Variants in HPSE2 observed in about 807,000 individuals in gnomAD.
HPSE2 encodes inactive heparanase-2.
HPSE2 carries 38 observed loss-of-function variants against 60.5 expected under a neutral mutation model. The ratio of observed to expected loss-of-function variants is 0.63; its 90% CI spans 0.48 to 0.82. HPSE2 has a LOEUF of 0.82. Among genes scored for constraint, HPSE2 ranks in the 40% least tolerant of loss-of-function variants. HPSE2 has a pLI of 0.00. For synonymous variants in HPSE2, 295 were observed against 293.2 expected, an observed-to-expected ratio of 1.01 and a Z score of -0.06; for missense variants, 713 against 740.4, an observed-to-expected ratio of 0.96 and a Z score of 0.43.
intron 3 of HPSE2, among the ~76,000 whole-genome samples, chr10:98,968,441 G>A (rs938848969): frequency 2.0e-5 from 3 of 152,122 alleles, no homozygotes; most frequent in Non-Finnish European, 4.4e-5. Context: ...AAACAGTATG[G>A]AGCTTCCTTA....
At chr10:99,307,616 T>C in the HPSE2 span, among the ~76,000 whole-genome samples, 1 of 152,116 alleles carries the variant, frequency 6.6e-6, no homozygotes, top group Non-Finnish European at 1.5e-5. Context: ...TTCTGATCCT[T>C]ATGGTTATAG....
chr10:98,492,408 A>G (rs1941681323), intron 9 of HPSE2, among the ~76,000 whole-genome samples: 1 of 151,210 alleles, frequency 6.6e-6, no homozygotes, highest in African/African-American at 2.4e-5. Context: ...AGGCTGAGGC[A>G]GGAGAATGGC....
At chr10:98,883,707 G>A (rs370161748) in intron 3 of HPSE2, among the ~76,000 whole-genome samples, 14 of 152,208 alleles carry the variant, frequency 9.2e-5, no homozygotes, top group African/African-American at 3.4e-4. Context: ...GGGAGGCTGA[G>A]GCTGGAGGAT....
chr10:99,271,378 C>A, the HPSE2 span, among the ~76,000 whole-genome samples: 1 of 152,168 alleles, frequency 6.6e-6, no homozygotes, highest in African/African-American at 2.4e-5. Flanking sequence ...AACTCAACCC[C>A]TTTTACAATA....
At chr10:98,488,620 T>C (rs36008175) in intron 10 of HPSE2, among the ~76,000 whole-genome samples, 327 of 152,324 alleles carry the variant, frequency 2.1e-3, no homozygotes, top group Middle Eastern at 6.8e-3. Flanking sequence ...CAGACTGATA[T>C]GCTTTCCAAC....
intron 3 of HPSE2, among the ~76,000 whole-genome samples, chr10:98,867,297 A>G (rs1952612780): frequency 6.6e-6 from 1 of 151,890 alleles, no homozygotes; most frequent in African/African-American, 2.4e-5. Context: ...TCTATAGGAA[A>G]AAAAAAAAAA....
rs573491293 is a variant in HPSE2, at chr10:98,480,487, T to A, written c.1613+2149A>T. On this transcript the variant is annotated intron_variant, in intron 11 of 11. Transcript: ENST00000370552. ...TCGCTAGCTAGTGGGAGTCAGTCCC[T>A]TTAGTCACCCTTAAGGATAGGTATA... Among the ~76,000 whole-genome samples the A allele has an allele frequency of 2.6e-5, 4 of 152,246 alleles. No homozygotes were observed. The South Asian group carries it at 8.3e-4, about 32-fold the overall frequency.
chr10:98,656,398 T>C (rs1257547257), intron 6 of HPSE2, among the ~76,000 whole-genome samples: 1 of 152,194 alleles, frequency 6.6e-6, no homozygotes, highest in African/African-American at 2.4e-5. Flanking sequence ...AGTTTGATTT[T>C]CTACACTTTC....
At chr10:98,917,164 C>T (rs997807345) in intron 3 of HPSE2, among the ~76,000 whole-genome samples, 6 of 151,962 alleles carry the variant, frequency 3.9e-5, no homozygotes, top group African/African-American at 1.5e-4. Context: ...ACATGCAGAC[C>T]ACCCTGACAC....
At chr10:98,721,527 TG>T in intron 5 of HPSE2, 129 bp downstream of exon 5, 1 of 865,480 alleles carries the variant, frequency 1.2e-6, no homozygotes, top group Non-Finnish European at 1.8e-6. Flanking sequence ...GAAGCCACTA[TG>T]GAAAGAGTCC....
At chr10:99,087,068 T>A (rs58783538) in intron 3 of HPSE2, among the ~76,000 whole-genome samples, 2,510 of 152,332 alleles carry the variant, frequency 0.016, 63 homozygotes, top group African/African-American at 0.057. Context: ...TATTTTAAAA[T>A]CTTAGGGGTT....
At chr10:99,105,496 G>A (rs961238055) in intron 3 of HPSE2, among the ~76,000 whole-genome samples, 1 of 148,202 alleles carries the variant, frequency 6.7e-6, no homozygotes, top group Non-Finnish European at 1.5e-5. Context: ...TAATCGAGTT[G>A]TAAGAGTTTT....
chr10:98,868,308 T>G (rs1952645290), intron 3 of HPSE2, among the ~76,000 whole-genome samples: 1 of 151,844 alleles, frequency 6.6e-6, no homozygotes, highest in African/African-American at 2.4e-5. Context: ...ATTAAATTCA[T>G]GGAGATAGAG....
chr10:99,232,214 T>TACACACACACACAC lies in HPSE2; in HGVS notation c.448+120_448+133dup, dbSNP rs59437000. On this transcript the variant is annotated intron_variant, in intron 2 of 11. Transcript: ENST00000370552. ...ATCTGCCCCAACGCGCGCGCGCGCA[T>TACACACACACACAC]ACACACACACACACACACACACACA... 191 of 898,236 alleles carry TACACACACACACAC rather than the reference T, an allele frequency of 2.1e-4. 2 individuals carry two copies. The highest frequency in any genetic ancestry group is 1.0e-3 in the African/African-American group (57 of 54,892). 55.6% of individuals were successfully genotyped at this position (898,236 alleles called of 1,614,324 possible).
At chr10:99,295,194 C>T in the HPSE2 span, among the ~76,000 whole-genome samples, 5 of 152,092 alleles carry the variant, frequency 3.3e-5, no homozygotes, top group South Asian at 6.2e-4. Context: ...CTCATTTAAT[C>T]CTTTCAACAG....
chr10:98,798,464 A>G (rs1164609386), intron 3 of HPSE2, among the ~76,000 whole-genome samples: 1 of 152,220 alleles, frequency 6.6e-6, no homozygotes, highest in Non-Finnish European at 1.5e-5. Flanking sequence ...TGTGTAAACT[A>G]TTCTTAAGTA....
chr10:99,148,970 A>G (rs1846160056), intron 2 of HPSE2, among the ~76,000 whole-genome samples: 1 of 152,028 alleles, frequency 6.6e-6, no homozygotes, highest in African/African-American at 2.4e-5. Flanking sequence ...TCACCACTAA[A>G]GAACTTATGC....
At chr10:99,252,488 A>G in the HPSE2 span, among the ~76,000 whole-genome samples, 1 of 152,182 alleles carries the variant, frequency 6.6e-6, no homozygotes, top group African/African-American at 2.4e-5. Flanking sequence ...AGGATACAAA[A>G]TCAATGTACA....
At chr10:98,922,545 G>C (rs11189866) in intron 3 of HPSE2, among the ~76,000 whole-genome samples, 1 of 151,976 alleles carries the variant, frequency 6.6e-6, no homozygotes, top group African/African-American at 2.4e-5. Context: ...GATTTGAATT[G>C]TAAACAGAAA....
Sources: gnomAD v4.1 joint callset for allele counts (sites outside exome capture counted in the v4.1 genomes callset) on GRCh38, gnomAD v4.1.1 for gene constraint, MANE v1.5 for transcripts, NCBI Gene and HGNC (gene_info 2026-07-23, HGNC 2026-07-21) for gene names.